The following HIP1 variants were observed in gnomAD, a reference collection of about 807,000 sequenced individuals.
The protein encoded by HIP1 is huntingtin-interacting protein 1.
In HIP1, 65 loss-of-function variants were observed where a neutral mutation model predicts 147.6. The ratio of observed to expected loss-of-function variants is 0.44; its 90% CI spans 0.36 to 0.54. HIP1 has a LOEUF of 0.54. Ranked by LOEUF, HIP1 falls within the 20% of genes least tolerant of loss-of-function variation. HIP1 has a pLI of 0.00. For missense variants in HIP1, 1,061 were observed against 1,299.6 expected (o/e 0.82, Z 2.82); for synonymous variants, 479 against 504.0 (o/e 0.95, Z 0.67).
intron 1 of HIP1, among the ~76,000 whole-genome samples, chr7:75,724,921 C>T (rs1801607170): frequency 6.6e-6 from 1 of 152,054 alleles, no homozygotes; most frequent in Non-Finnish European, 1.5e-5. Flanking sequence ...GGAATGCTTC[C>T]GAGGGGAGGC....
chr7:75,702,032 C>T (rs1277974473), intron 1 of HIP1, among the ~76,000 whole-genome samples: 1 of 151,548 alleles, frequency 6.6e-6, no homozygotes, highest in Non-Finnish European at 1.5e-5. Flanking sequence ...CGGGTTCAAG[C>T]GATTCTCCTG....
At chr7:75,677,598 C>G (rs1173863004) in intron 1 of HIP1, among the ~76,000 whole-genome samples, 3 of 105,210 alleles carry the variant, frequency 2.9e-5, no homozygotes, top group Non-Finnish European at 5.7e-5. Context: ...GTGCAAGACT[C>G]CATCTAAAAA....
At chr7:75,613,191 C>T (rs1290318497) in intron 1 of HIP1, among the ~76,000 whole-genome samples, 3 of 151,996 alleles carry the variant, frequency 2.0e-5, no homozygotes, top group Non-Finnish European at 2.9e-5. Flanking sequence ...GGCAATAGCT[C>T]AGGTTAACAG....
intron 1 of HIP1, among the ~76,000 whole-genome samples, chr7:75,663,926 G>GTATGTGTGTATATATATATATACACATA (rs1799395508): frequency 1.2e-5 from 1 of 85,614 alleles, no homozygotes; most frequent in Admixed American, 1.4e-4. Flanking sequence ...ATTATTTTAT[G>GTATGTGTGTATATATATATATACACATA]TATGTGTGTA....
At chr7:75,660,357 T>C (rs782103514) in intron 1 of HIP1, among the ~76,000 whole-genome samples, 5 of 151,360 alleles carry the variant, frequency 3.3e-5, no homozygotes. Flanking sequence ...CAAAAGCCCG[T>C]TTCTACTAAC....
At chr7:75,590,216 C>A (rs897821490) in intron 4 of HIP1, among the ~76,000 whole-genome samples, 19 of 152,086 alleles carry the variant, frequency 1.2e-4, no homozygotes, top group Middle Eastern at 3.4e-3. Context: ...TAAACATAAC[C>A]AAAACCAAAA....
intron 1 of HIP1, among the ~76,000 whole-genome samples, chr7:75,731,125 C>T (rs1163979216): frequency 6.6e-6 from 1 of 152,072 alleles, no homozygotes; most frequent in Non-Finnish European, 1.5e-5. Flanking sequence ...TAACTTCCTT[C>T]TTAAGTTTTC....
At chr7:75,660,605 T>A (rs1554513462) in intron 1 of HIP1, among the ~76,000 whole-genome samples, 1 of 152,064 alleles carries the variant, frequency 6.6e-6, no homozygotes, top group East Asian at 1.9e-4. Context: ...CTACAGAGGT[T>A]AAGAGCAGGG....
chr7:75,700,740 C>G lies in HIP1; in HGVS notation c.120+38061G>C, dbSNP rs79436750. On this transcript the variant is annotated intron_variant, in intron 1 of 30. Coordinates refer to ENST00000336926, the MANE Select transcript of HIP1 (RefSeq NM_005338.7). ...TTTTTTTTTGAGACGGAGTCTTGCT[C>G]TGTCGCCCAGGCTGGAGTGCAGTGG... 1.6e-3 allele frequency among the ~76,000 whole-genome samples: 236 copies of G among 151,502 alleles called. 7 individuals carry two copies. The East Asian group carries it at 0.043, about 27-fold the overall frequency.
chr7:75,642,445 G>A (rs1207689815), intron 1 of HIP1, among the ~76,000 whole-genome samples: 1 of 152,182 alleles, frequency 6.6e-6, no homozygotes, highest in Non-Finnish European at 1.5e-5. Flanking sequence ...TGAGGCAGGA[G>A]AATCACTTGA....
At chr7:75,602,930 CGAA>C (rs1797062131) in intron 1 of HIP1, among the ~76,000 whole-genome samples, 1 of 151,378 alleles carries the variant, frequency 6.6e-6, no homozygotes, top group African/African-American at 2.4e-5. Flanking sequence ...TGGTGATCCT[CGAA>C]GAAGATGTAG....
At chr7:75,715,567 T>G (rs563727421) in intron 1 of HIP1, among the ~76,000 whole-genome samples, 49 of 146,302 alleles carry the variant, frequency 3.3e-4, no homozygotes, top group African/African-American at 1.2e-3. Context: ...AGGTCAGGAG[T>G]TCGAGACCAG....
intron 1 of HIP1, among the ~76,000 whole-genome samples, chr7:75,665,149 C>G (rs1307104596): frequency 6.6e-6 from 1 of 151,996 alleles, no homozygotes; most frequent in African/African-American, 2.4e-5. Flanking sequence ...ATAGTCCCAG[C>G]TAGTCAGGGG....
At chr7:75,695,232 C>T (rs1458781723) in intron 1 of HIP1, among the ~76,000 whole-genome samples, 3 of 152,174 alleles carry the variant, frequency 2.0e-5, no homozygotes, top group Non-Finnish European at 4.4e-5. Context: ...AGGCAGCCAG[C>T]ACTCTCACTG....
At chr7:75,667,566 G>A (rs1461055862) in intron 1 of HIP1, among the ~76,000 whole-genome samples, 1 of 152,166 alleles carries the variant, frequency 6.6e-6, no homozygotes, top group Non-Finnish European at 1.5e-5. Flanking sequence ...GCTCACTGCA[G>A]TCTTGAGCTC....
Position 75,548,186 on chromosome 7 carries a change from G to A in HIP1, c.2407-373C>T, listed in dbSNP as rs187683340. Among the ~76,000 whole-genome samples the A allele has an allele frequency of 2.1e-3, 320 of 152,174 alleles. 5 individuals are homozygous for A. The South Asian group carries it at 0.024, about 11-fold the overall frequency. The stretch of plus-strand genomic sequence containing the variant: ...TGGGATTACAGGCACGCGCCACCAC[G>A]CCCAGCTAATTTTTGTATGTTTAGT... On this transcript the variant is annotated intron_variant, in intron 23 of 30. Transcript: ENST00000336926.
At chr7:75,596,328 C>G (rs1484940490) in intron 2 of HIP1, among the ~76,000 whole-genome samples, 1 of 151,412 alleles carries the variant, frequency 6.6e-6, no homozygotes, top group African/African-American at 2.4e-5. Flanking sequence ...ATTTATTCAC[C>G]ATTTAGAAAT....
chr7:75,614,145 C>T (rs1202566090), intron 1 of HIP1, among the ~76,000 whole-genome samples: 4 of 152,158 alleles, frequency 2.6e-5, no homozygotes, highest in African/African-American at 9.7e-5. Flanking sequence ...AAACTTCTGG[C>T]CTCAAGTGAT....
chr7:75,709,395 G>GA (rs1232215744), intron 1 of HIP1, among the ~76,000 whole-genome samples: 1 of 152,108 alleles, frequency 6.6e-6, no homozygotes, highest in Non-Finnish European at 1.5e-5. Flanking sequence ...TTACAGGCAT[G>GA]AGCCACCTCA....
Sources: allele counts gnomAD v4.1 joint callset (sites outside exome capture counted in the v4.1 genomes callset), GRCh38; gene constraint gnomAD v4.1.1; transcripts MANE v1.5; gene names NCBI Gene and HGNC (gene_info 2026-07-23, HGNC 2026-07-21).